The following SPOCK1 variants were observed in gnomAD, a reference collection of about 807,000 sequenced individuals.
SPOCK1 encodes testican-1.
A neutral mutation model predicts 55.3 loss-of-function variants in SPOCK1; 23 were observed. The observed-to-expected ratio is 0.42, with a 90% CI of 0.30 to 0.59. SPOCK1 has a LOEUF of 0.59. Among genes scored for constraint, SPOCK1 ranks in the 20% least tolerant of loss-of-function variants. SPOCK1 has a pLI of 0.22. For missense variants in SPOCK1, 499 were observed against 552.5 expected (o/e 0.90, Z 0.97); for synonymous variants, 226 against 221.0 (o/e 1.02, Z -0.20).
intron 2 of SPOCK1, among the ~76,000 whole-genome samples, chr5:137,333,105 G>T (rs1758217483): frequency 6.6e-6 from 1 of 152,180 alleles, no homozygotes; most frequent in South Asian, 2.1e-4. Flanking sequence ...GGAGTCTGTG[G>T]TTTTTATCAC....
chr5:137,413,596 T>A (rs1346912056), intron 2 of SPOCK1, among the ~76,000 whole-genome samples: 3 of 152,162 alleles, frequency 2.0e-5, no homozygotes, highest in Admixed American at 6.5e-5. Flanking sequence ...CCATCCCACC[T>A]GAGCATAAAT....
At chr5:137,109,079 G>A in intron 5 of SPOCK1, among the ~76,000 whole-genome samples, 1 of 152,222 alleles carries the variant, frequency 6.6e-6, no homozygotes, top group Non-Finnish European at 1.5e-5. Context: ...AGTGGCAGAG[G>A]TGAGTGAGCA....
At chr5:137,176,788 C>T (rs768860105) in intron 3 of SPOCK1, among the ~76,000 whole-genome samples, 16 of 152,118 alleles carry the variant, frequency 1.1e-4, no homozygotes, top group East Asian at 1.9e-4. Flanking sequence ...AGCTAATAAG[C>T]GGTATCTAGT....
intron 5 of SPOCK1, among the ~76,000 whole-genome samples, chr5:137,110,667 A>T (rs1753450553): frequency 6.6e-6 from 1 of 152,216 alleles, no homozygotes; most frequent in Non-Finnish European, 1.5e-5. Flanking sequence ...GGCTATGGCT[A>T]TTGAGAAAGG....
At chr5:137,325,142 G>C (rs1196353070) in intron 2 of SPOCK1, among the ~76,000 whole-genome samples, 1 of 152,130 alleles carries the variant, frequency 6.6e-6, no homozygotes, top group Non-Finnish European at 1.5e-5. Flanking sequence ...GGACAACTGG[G>C]CTAAGAGTTT....
At chr5:136,979,579 G>A in intron 9 of SPOCK1, 110 bp from the exon 10 acceptor site, 3 of 1,373,322 alleles carry the variant, frequency 2.2e-6, no homozygotes, top group Non-Finnish European at 3.0e-6. Context: ...CTGCTGCAGG[G>A]TCAGCAGCAG....
intron 2 of SPOCK1, among the ~76,000 whole-genome samples, chr5:137,339,931 G>A (rs1457365323): frequency 6.6e-6 from 1 of 152,066 alleles, no homozygotes; most frequent in Admixed American, 6.5e-5. Context: ...CTGCCCACGG[G>A]GTCCAGCTCA....
At chr5:137,342,195 T>C (rs1043015890) in intron 2 of SPOCK1, among the ~76,000 whole-genome samples, 1 of 152,236 alleles carries the variant, frequency 6.6e-6, no homozygotes, top group East Asian at 1.9e-4. Context: ...ACTGTGGAGA[T>C]GAAATCCCAG....
At chr5:137,432,963 T>C (rs1270351813) in intron 2 of SPOCK1, among the ~76,000 whole-genome samples, 1 of 152,170 alleles carries the variant, frequency 6.6e-6, no homozygotes, top group African/African-American at 2.4e-5. Context: ...AAAAGGCATT[T>C]CATCCATGCA....
intron 6 of SPOCK1, among the ~76,000 whole-genome samples, chr5:137,063,842 C>T (rs1705671088): frequency 6.6e-6 from 1 of 152,186 alleles, no homozygotes. Context: ...GAAACGGTTG[C>T]CAGGCACCTC....
chr5:137,381,686 G>A (rs189918469), intron 2 of SPOCK1, among the ~76,000 whole-genome samples: 5 of 152,174 alleles, frequency 3.3e-5, no homozygotes, highest in African/African-American at 7.2e-5. Flanking sequence ...GATGTAGGGC[G>A]CCATGTCCCA....
intron 6 of SPOCK1, among the ~76,000 whole-genome samples, chr5:137,029,210 G>A (rs1751732404): frequency 6.6e-6 from 1 of 152,124 alleles, no homozygotes. Context: ...ACAGTCTTTT[G>A]AGAACTTGCT....
At chr5:137,090,108 G>A (rs2127018927) in intron 5 of SPOCK1, among the ~76,000 whole-genome samples, 1 of 152,296 alleles carries the variant, frequency 6.6e-6, no homozygotes, top group African/African-American at 2.4e-5. Flanking sequence ...TAGAACAACA[G>A]AAATGGAAGC....
Position 137,043,386 on chromosome 5 carries a change from C to T in SPOCK1, c.589+24329G>A, listed in dbSNP as rs180794104. The stretch of plus-strand genomic sequence containing the variant: ...TCAAATAATTTATGTAGACACTCTA[C>T]CCTGAAGCATCTACATAAGGAGATG... On this transcript the variant is annotated intron_variant, in intron 6 of 10. Transcript: ENST00000394945. 3.3e-3 allele frequency among the ~76,000 whole-genome samples: 501 copies of T among 152,182 alleles called. 2 individuals carry two copies. The highest frequency in any genetic ancestry group is 3.4e-3 in the Middle Eastern group (1 of 294).
intron 3 of SPOCK1, among the ~76,000 whole-genome samples, chr5:137,168,933 T>C (rs2127056989): frequency 6.6e-6 from 1 of 152,300 alleles, no homozygotes; most frequent in Middle Eastern, 3.4e-3. Flanking sequence ...ATAGCCAGGA[T>C]TTGAAAGCAA....
chr5:137,118,638 T>C (rs1020895722), intron 4 of SPOCK1, among the ~76,000 whole-genome samples: 6 of 152,300 alleles, frequency 3.9e-5, no homozygotes, highest in Non-Finnish European at 7.4e-5. Flanking sequence ...AATAAATACA[T>C]GTACAGGTGT....
chr5:137,232,189 T>A (rs530426155), intron 3 of SPOCK1, among the ~76,000 whole-genome samples: 115 of 152,332 alleles, frequency 7.5e-4, no homozygotes, highest in African/African-American at 2.6e-3. Flanking sequence ...TTTTTAAAAA[T>A]TTTTTAATAA....
At chr5:137,100,877 A>G (rs141065204) in intron 5 of SPOCK1, among the ~76,000 whole-genome samples, 26,647 of 150,478 alleles carry the variant, frequency 0.18, 2,468 homozygotes, top group Non-Finnish European at 0.21. Flanking sequence ...CGAAAGGGGA[A>G]AAAAAAAAAA....
intron 5 of SPOCK1, among the ~76,000 whole-genome samples, chr5:137,094,613 G>T (rs1030768377): frequency 1.1e-4 from 16 of 152,194 alleles, no homozygotes; most frequent in African/African-American, 3.9e-4. Flanking sequence ...CCTTCAGAAA[G>T]TCATGACCTT....
Sources: allele counts gnomAD v4.1 joint callset (sites outside exome capture counted in the v4.1 genomes callset), GRCh38; gene constraint gnomAD v4.1.1; transcripts MANE v1.5; gene names NCBI Gene and HGNC (gene_info 2026-07-23, HGNC 2026-07-21).